SCN9A: variants seen among roughly 807,000 people sequenced by gnomAD.
SCN9A encodes sodium voltage-gated channel alpha subunit 9, also known as sodium channel protein type 9 subunit alpha.
SCN9A carries 131 observed loss-of-function variants against 187.0 expected under a neutral mutation model. That is an observed-to-expected ratio of 0.70 (90% CI 0.61 to 0.81). The LOEUF (loss-of-function observed/expected upper bound fraction) is 0.81, where lower values mean the gene tolerates loss of function less well. SCN9A is among the 30% of genes least tolerant of loss of function. SCN9A has a pLI of 0.00. For synonymous variants in SCN9A, 809 were observed against 808.6 expected (o/e 1.00, Z -0.01); for missense variants, 2,252 against 2,396.6 (o/e 0.94, Z 1.26).
intron 8 of SCN9A, among the ~76,000 whole-genome samples, chr2:166,294,022 G>T (rs567048892): frequency 6.6e-6 from 1 of 152,242 alleles, no homozygotes; most frequent in South Asian, 2.1e-4. Context: ...ATAGATGTCT[G>T]CATAGGGGGA....
rs1380475448 is a variant in SCN9A, at chr2:166,199,984, T to TA, written c.4775-121_4775-120insT. ...TTATGAATTCAAGACAGTTTTTTTTTTTTTTTTTTTTTTTTTTTTTTTTTT... is the reference window on the plus strand; with the variant it reads ...TTATGAATTCAAGACAGTTTTTTTTTATTTTTTTTTTTTTTTTTTTTTTTTT... On this transcript the variant is annotated intron_variant, in intron 26 of 26. Transcript: ENST00000642356. The TA allele has an allele frequency of 1.9e-4, 56 of 293,496 alleles. No homozygotes were observed. In the African/African-American group the frequency reaches 3.8e-3, roughly 20 times the overall value. The allele number at this position is 293,496 out of a possible 1,614,324, so 18.2% of individuals were successfully genotyped here.
At chr2:166,224,518 C>A (rs1246993289) in intron 24 of SCN9A, among the ~76,000 whole-genome samples, 2 of 152,118 alleles carry the variant, frequency 1.3e-5, no homozygotes, top group Admixed American at 1.3e-4. Context: ...CCAAAGATCT[C>A]TTTTTGTATA....
At chr2:166,274,281 T>G (rs1697132030) in intron 16 of SCN9A, among the ~76,000 whole-genome samples, 1 of 152,112 alleles carries the variant, frequency 6.6e-6, no homozygotes, top group Non-Finnish European at 1.5e-5. Flanking sequence ...CAAATCAAAA[T>G]AAAGTCCATT....
At chr2:166,281,077 A>G (rs1697464582) in intron 13 of SCN9A, among the ~76,000 whole-genome samples, 1 of 152,200 alleles carries the variant, frequency 6.6e-6, no homozygotes, top group Non-Finnish European at 1.5e-5. Context: ...CTCATGAAAT[A>G]GACATTTCAC....
rs10688081 is a variant in SCN9A at position 166,311,330 on chromosome 2, CTA to C, written c.258+167_258+168del. Among the ~76,000 whole-genome samples, 356 of 46,594 alleles carry C rather than the reference CTA, an allele frequency of 7.6e-3. 3 individuals carry two copies. Among genetic ancestry groups the C allele is most frequent in the Middle Eastern group, 0.022 (1 of 46 alleles). 30.6% of individuals were successfully genotyped at this position (46,594 alleles called of 152,430 possible). ...TGAAAAAGTACAGATTCTGAATATC[CTA>C]TATATATATATATATATATATATAT... is the stretch of plus-strand genomic sequence containing the variant. On this transcript the variant is annotated intron_variant, in intron 2 of 26. Transcript: ENST00000642356.
At chr2:166,242,794 G>T in intron 18 of SCN9A, 138 bp from the exon 19 acceptor site, 1 of 579,118 alleles carries the variant, frequency 1.7e-6, no homozygotes, top group South Asian at 2.9e-5. Flanking sequence ...ATTTCAGATA[G>T]ATTTAATTTG....
intron 1 of SCN9A, among the ~76,000 whole-genome samples, chr2:166,314,705 C>A (rs971231924): frequency 2.0e-5 from 3 of 152,138 alleles, no homozygotes; most frequent in African/African-American, 7.2e-5. Flanking sequence ...AGCCAAAAGG[C>A]CACATACGAT....
rs758252419 is a variant in SCN9A, at chr2:166,305,916, T to A, written c.472A>T (p.Thr158Ser). Residue 158 changes from threonine (T) to serine (S), a missense_variant, in exon 5 of 27, where the codon ACT becomes TCT. Physicochemically the swap from Thr to Ser is moderately conservative, Grantham distance 58. Coordinates refer to ENST00000642356, the MANE Select transcript of SCN9A (RefSeq NM_001365536.1). Reference sequence around the variant, plus strand: ...TCAAAAGTATATATTCCAGTAAAAGTGTACCTAAACACAAGATTCCATTGG... The same window carrying A: ...TCAAAAGTATATATTCCAGTAAAAGAGTACCTAAACACAAGATTCCATTGG... ...PPDWTKNVEY[T>S]FTGIYTFESL... The A allele has an allele frequency of 2.5e-6, 4 of 1,612,688 alleles. No homozygotes were observed. In the East Asian group the frequency reaches 8.9e-5, roughly 36 times the overall value.
At position 166,341,499 on chromosome 2, in the gene SCN9A, T is replaced by C. The variant is rs1475736170; in HGVS notation, c.-50-29693A>G. 2.0e-5 allele frequency among the ~76,000 whole-genome samples: 3 copies of C among 152,212 alleles called. No individual in the cohort carries two copies. The East Asian group carries it at 5.8e-4, about 29-fold the overall frequency. ...AATTTGATAGAAGACAATGAAAGAA[T>C]TGGCAACAATAGACCTGCAGATGTT... On this transcript the variant is annotated intron_variant, in intron 1 of 26. Coordinates refer to ENST00000642356, the MANE Select transcript of SCN9A (RefSeq NM_001365536.1).
intron 1 of SCN9A, among the ~76,000 whole-genome samples, chr2:166,345,823 T>C (rs1425720274): frequency 5.9e-5 from 9 of 152,180 alleles, no homozygotes; most frequent in African/African-American, 2.2e-4. Flanking sequence ...CTTTTTATTT[T>C]CATCCCAAGA....
At chr2:166,318,574 TAA>T (rs200449501) in intron 1 of SCN9A, among the ~76,000 whole-genome samples, 13 of 146,310 alleles carry the variant, frequency 8.9e-5, no homozygotes, top group South Asian at 2.1e-4. Flanking sequence ...TATCTTTTAT[TAA>T]AAAAAAAAAA....
chr2:166,318,885 A>T (rs896287177), intron 1 of SCN9A, among the ~76,000 whole-genome samples: 4 of 152,174 alleles, frequency 2.6e-5, no homozygotes, highest in African/African-American at 7.2e-5. Flanking sequence ...TTAAAAAAGT[A>T]CAAAATAAAA....
intron 26 of SCN9A, among the ~76,000 whole-genome samples, chr2:166,202,959 A>G (rs988824822): frequency 4.6e-5 from 7 of 151,410 alleles, no homozygotes; most frequent in Admixed American, 3.3e-4. Context: ...TTTCTTATCT[A>G]ATTGCATTGG....
At chr2:166,352,549 C>T (rs140151023) in intron 1 of SCN9A, among the ~76,000 whole-genome samples, 1 of 152,304 alleles carries the variant, frequency 6.6e-6, no homozygotes, top group East Asian at 1.9e-4. Context: ...AATCACAAAA[C>T]ATCAATCATT....
At chr2:166,357,043 A>G (rs1700166409) in intron 1 of SCN9A, among the ~76,000 whole-genome samples, 1 of 152,038 alleles carries the variant, frequency 6.6e-6, no homozygotes, top group South Asian at 2.1e-4. Flanking sequence ...TTTGTTCTAC[A>G]TCTTATTTCA....
At chr2:166,296,975 A>C (rs1253120039) in intron 7 of SCN9A, among the ~76,000 whole-genome samples, 1 of 151,926 alleles carries the variant, frequency 6.6e-6, no homozygotes, top group Non-Finnish European at 1.5e-5. Context: ...AGGCGGGCAG[A>C]TCACGAGGTC....
At chr2:166,308,400 T>C (rs1698826375) in intron 2 of SCN9A, among the ~76,000 whole-genome samples, 2 of 152,062 alleles carry the variant, frequency 1.3e-5, no homozygotes, top group African/African-American at 2.4e-5. Flanking sequence ...GTTCTCATGA[T>C]AGTGAGTGAG....
At chr2:166,280,197 C>T (rs956419729) in intron 14 of SCN9A, among the ~76,000 whole-genome samples, 160 bp downstream of exon 14, 4 of 152,074 alleles carry the variant, frequency 2.6e-5, no homozygotes, top group African/African-American at 7.2e-5. Context: ...TTTTAAAAGA[C>T]ATAACCAGAA....
At position 166,238,217 on chromosome 2, in the gene SCN9A, C is replaced by T. The variant is rs1412695261; in HGVS notation, c.3678G>A (p.Leu1226=). The change falls in exon 20 of 27, where the codon CTG becomes CTA. Residue 1226 remains leucine (L), a synonymous_variant. Coordinates refer to ENST00000642356, the MANE Select transcript of SCN9A (RefSeq NM_001365536.1). ...IERKKTIKII[L]EYADKIFTYI... Reference sequence around the variant, plus strand: ...AAGTGAAGATCTTGTCTGCATACTCCAGGATAATCTTAATGGTCTTTTTCC... The same window carrying T: ...AAGTGAAGATCTTGTCTGCATACTCTAGGATAATCTTAATGGTCTTTTTCC... 2.5e-6 allele frequency: 4 copies of T among 1,601,172 alleles called. No homozygotes were observed. Among genetic ancestry groups the T allele is most frequent in the Non-Finnish European group, 3.4e-6 (4 of 1,172,870 alleles).
Sources: allele counts gnomAD v4.1 joint callset (sites outside exome capture counted in the v4.1 genomes callset), GRCh38; gene constraint gnomAD v4.1.1; transcripts MANE v1.5; gene names NCBI Gene and HGNC (gene_info 2026-07-23, HGNC 2026-07-21).